Variants in CAMK4 observed in about 807,000 individuals in gnomAD.
CAMK4 encodes the protein calcium/calmodulin-dependent protein kinase type IV.
Under a neutral mutation model 44.9 loss-of-function variants are expected in CAMK4, and 22 were observed. That is an observed-to-expected ratio of 0.49 (90% CI 0.35 to 0.70). The LOEUF (loss-of-function observed/expected upper bound fraction) is 0.70. Ranked by LOEUF, CAMK4 falls within the 30% of genes least tolerant of loss-of-function variation. The pLI is 0.01. For missense variants in CAMK4, 498 were observed against 586.8 expected (o/e 0.85, Z 1.56); for synonymous variants, 218 against 215.4 (o/e 1.01, Z -0.11).
At chr5:111,228,803 T>C (rs76394191) in intron 1 of CAMK4, among the ~76,000 whole-genome samples, 1 of 152,236 alleles carries the variant, frequency 6.6e-6, no homozygotes, top group East Asian at 1.9e-4. Context: ...ATTGGCAACA[T>C]TGGGTGGTAT....
chr5:111,463,549 A>G (rs1167610830), intron 7 of CAMK4, among the ~76,000 whole-genome samples: 6 of 152,198 alleles, frequency 3.9e-5, no homozygotes, highest in African/African-American at 1.4e-4. Context: ...AAAACACTGC[A>G]ATAAACAAAT....
At chr5:111,361,397 A>G (rs1184282617) in intron 2 of CAMK4, among the ~76,000 whole-genome samples, 1 of 152,076 alleles carries the variant, frequency 6.6e-6, no homozygotes, top group Non-Finnish European at 1.5e-5. Flanking sequence ...AATTGTGCAC[A>G]TAAATCATTG....
In CAMK4 at chr5:111,473,372, A is replaced by G; in HGVS notation, c.687A>G (p.Ile229Met). Residue 229 changes from isoleucine (I) to methionine (M), a missense_variant, in exon 8 of 11, where the codon ATA becomes ATG. Around this residue, in one of 3 missense-constraint regions of CAMK4, gnomAD observed 203 missense variants for 298.2 expected, o/e 0.68. Transcript: ENST00000282356. The stretch of plus-strand genomic sequence containing the variant: ...AGGTGGACATGTGGTCTGTAGGAAT[A>G]ATCACCTACATCTTGTAAGTGAAGA... ...GPEVDMWSVG[I>M]ITYILLCGFE... is the part of the protein sequence containing the mutation. The G allele has an allele frequency of 6.2e-7, 1 of 1,603,988 alleles. No individual in the cohort carries two copies. The highest frequency in any genetic ancestry group is 8.5e-7 in the Non-Finnish European group (1 of 1,171,174).
chr5:111,311,307 C>T (rs1008613916), intron 1 of CAMK4, among the ~76,000 whole-genome samples: 1 of 152,214 alleles, frequency 6.6e-6, no homozygotes, highest in African/African-American at 2.4e-5. Flanking sequence ...GCAGTCACCA[C>T]CTGCACACTT....
chr5:111,261,049 C>A (rs79527621), intron 1 of CAMK4, among the ~76,000 whole-genome samples: 2,173 of 152,242 alleles, frequency 0.014, 50 homozygotes, highest in African/African-American at 0.05. Flanking sequence ...TTGAGGCCCC[C>A]ATCCTAAAAT....
chr5:111,345,546 G>A (rs763031293), intron 2 of CAMK4, among the ~76,000 whole-genome samples: 7 of 152,028 alleles, frequency 4.6e-5, no homozygotes, highest in Admixed American at 3.3e-4. Flanking sequence ...TTGTTTGTAC[G>A]ATTTCTTATT....
At chr5:111,455,363 A>G (rs554275378) in intron 7 of CAMK4, among the ~76,000 whole-genome samples, 6 of 152,316 alleles carry the variant, frequency 3.9e-5, no homozygotes, top group Non-Finnish European at 8.8e-5. Flanking sequence ...AAAAACTCTC[A>G]TTGCTTGGTA....
Position 111,398,307 on chromosome 5 carries a change from C to T in CAMK4, c.459+3525C>T, listed in dbSNP as rs207466324. On this transcript the variant is annotated intron_variant, in intron 5 of 10. Coordinates refer to ENST00000282356, the MANE Select transcript of CAMK4 (RefSeq NM_001744.6). ...CTTGACTCAGGCTTCCTTCCCTAGTCCAGTCAGCTGTGGATGGGGTGTGAA... is the reference window on the plus strand; with the variant it reads ...CTTGACTCAGGCTTCCTTCCCTAGTTCAGTCAGCTGTGGATGGGGTGTGAA... 4.6e-5 allele frequency among the ~76,000 whole-genome samples: 7 copies of T among 152,156 alleles called. No individual in the cohort carries two copies. In the East Asian group the frequency reaches 1.3e-3, roughly 29 times the overall value.
intron 5 of CAMK4, among the ~76,000 whole-genome samples, chr5:111,442,517 CATA>C (rs1200301660): frequency 7.0e-6 from 1 of 142,050 alleles, no homozygotes; most frequent in African/African-American, 2.5e-5. Context: ...AAAACCAAAA[CATA>C]TATATATATA....
intron 2 of CAMK4, among the ~76,000 whole-genome samples, chr5:111,363,056 A>G (rs528599020): frequency 6.6e-6 from 1 of 152,236 alleles, no homozygotes; most frequent in South Asian, 2.1e-4. Flanking sequence ...CAGCTATAAA[A>G]GCTCTATAGC....
chr5:111,277,276 G>A (rs1580520118), intron 1 of CAMK4, among the ~76,000 whole-genome samples: 1 of 152,172 alleles, frequency 6.6e-6, no homozygotes, highest in East Asian at 1.9e-4. Context: ...GAGTCTAGTA[G>A]GAGCTGGAAT....
chr5:111,280,670 C>T (rs1030125175), intron 1 of CAMK4, among the ~76,000 whole-genome samples: 9 of 152,312 alleles, frequency 5.9e-5, no homozygotes, highest in Admixed American at 5.9e-4. Flanking sequence ...GAGACACGTG[C>T]AGCCGTGTAA....
chr5:111,412,420 A>G (rs906429098), intron 5 of CAMK4, among the ~76,000 whole-genome samples: 1 of 152,248 alleles, frequency 6.6e-6, no homozygotes, highest in Admixed American at 6.5e-5. Context: ...TTGTTTTTGA[A>G]CATTTCAAAA....
intron 5 of CAMK4, among the ~76,000 whole-genome samples, chr5:111,431,708 A>G (rs1196482006): frequency 6.6e-6 from 1 of 152,216 alleles, no homozygotes; most frequent in African/African-American, 2.4e-5. Flanking sequence ...AAAGATTTGA[A>G]TAGACATTTC....
At chr5:111,463,377 A>C (rs886598115) in intron 7 of CAMK4, among the ~76,000 whole-genome samples, 1 of 152,222 alleles carries the variant, frequency 6.6e-6, no homozygotes, top group Non-Finnish European at 1.5e-5. Flanking sequence ...TATAGGAAGC[A>C]GATTGTTCCT....
At position 111,238,403 on chromosome 5, in the gene CAMK4, A is replaced by T. The variant is rs569622986; in HGVS notation, c.161+13759A>T. Among the ~76,000 whole-genome samples, 3 of 152,276 alleles carry T rather than the reference A, an allele frequency of 2.0e-5. No individual in the cohort carries two copies. The East Asian group carries it at 5.8e-4, about 29-fold the overall frequency. ...TAGTGCTCTTATTAAAAGAGTTGTG[A>T]GAGCTTGCTCGCTCGCTGTCTCTCA... On this transcript the variant is annotated intron_variant, in intron 1 of 10. Coordinates refer to ENST00000282356, the MANE Select transcript of CAMK4 (RefSeq NM_001744.6).
intron 7 of CAMK4, among the ~76,000 whole-genome samples, chr5:111,454,082 ACAT>A (rs1754330314): frequency 6.6e-6 from 1 of 152,188 alleles, no homozygotes; most frequent in Non-Finnish European, 1.5e-5. Context: ...GATGTCAAAA[ACAT>A]CATAATATAT....
chr5:111,289,777 C>T (rs1751371082), intron 1 of CAMK4, among the ~76,000 whole-genome samples: 1 of 152,212 alleles, frequency 6.6e-6, no homozygotes, highest in East Asian at 1.9e-4. Flanking sequence ...TCACAGTGCA[C>T]CAAAAGATGC....
intron 1 of CAMK4, among the ~76,000 whole-genome samples, chr5:111,294,965 A>G (rs998644471): frequency 2.0e-5 from 3 of 152,330 alleles, no homozygotes; most frequent in African/African-American, 7.2e-5. Context: ...TAAAGCTCTG[A>G]TATCTATACA....
Sources: allele counts gnomAD v4.1 joint callset (sites outside exome capture counted in the v4.1 genomes callset), GRCh38; gene constraint gnomAD v4.1.1; regional missense constraint gnomAD v4.1.1; transcripts MANE v1.5; gene names NCBI Gene and HGNC (gene_info 2026-07-23, HGNC 2026-07-21).